The following CNTLN variants were observed in gnomAD, a reference collection of about 807,000 sequenced individuals.
CNTLN encodes the protein centlein, centrosomal protein.
In CNTLN, 212 loss-of-function variants were observed where a neutral mutation model predicts 180.0. The observed-to-expected ratio is 1.18, with a 90% CI of 1.05 to 1.32. The LOEUF is 1.32. Among genes scored for constraint, CNTLN ranks in the 40% most tolerant of loss-of-function variants. The pLI is 0.00. For synonymous variants in CNTLN, 722 were observed against 563.1 expected (o/e 1.28, Z -3.99); for missense variants, 2,095 against 1,610.9 (o/e 1.30, Z -5.14).
rs536716528 is a variant in CNTLN, at chr9:17,160,184, A to T, written c.449+16808A>T. Among the ~76,000 whole-genome samples, 50 of 152,298 alleles carry T rather than the reference A, an allele frequency of 3.3e-4. 1 individual carries two copies. Among genetic ancestry groups the T allele is most frequent in the African/African-American group, 1.2e-3 (49 of 41,582 alleles). On this transcript the variant is annotated intron_variant, in intron 2 of 25. Coordinates refer to ENST00000380647, the MANE Select transcript of CNTLN (RefSeq NM_017738.4). Reference sequence around the variant, plus strand: ...TAATTTTTTTATCTGAAATGTAAAAAATGATATCCTGAAGTAGTTTTCACT... The same window carrying T: ...TAATTTTTTTATCTGAAATGTAAAATATGATATCCTGAAGTAGTTTTCACT...
chr9:17,201,952 G>A (rs1822562028), intron 2 of CNTLN, among the ~76,000 whole-genome samples: 1 of 152,080 alleles, frequency 6.6e-6, no homozygotes, highest in South Asian at 2.1e-4. Flanking sequence ...GATCTTTCCA[G>A]CTTTCTGATG....
At chr9:17,281,469 C>A (rs1470819036) in intron 6 of CNTLN, among the ~76,000 whole-genome samples, 1 of 151,982 alleles carries the variant, frequency 6.6e-6, no homozygotes, top group Non-Finnish European at 1.5e-5. Context: ...ACTGACAGGC[C>A]CCAGTGTGTA....
At chr9:17,140,398 T>C (rs929072555) in intron 1 of CNTLN, among the ~76,000 whole-genome samples, 11 of 152,216 alleles carry the variant, frequency 7.2e-5, no homozygotes, top group Non-Finnish European at 1.5e-4. Flanking sequence ...AGATTTTAAG[T>C]GCTCTCATCA....
At position 17,502,694 on chromosome 9, in the gene CNTLN, A is replaced by G. The variant is rs377756384; in HGVS notation, c.*42A>G. 8.0e-6 allele frequency: 6 copies of G among 751,850 alleles called. No individual in the cohort carries two copies. The highest frequency in any genetic ancestry group is 1.0e-5 in the Non-Finnish European group (5 of 478,568). The allele number at this position is 751,850 out of a possible 1,614,324, so 46.6% of individuals were successfully genotyped here. ...TTTATTGCAAATGTGAAAACTTTTT[A>G]TGTGGTGTGATTGGAATACATGCAT... On this transcript the variant is annotated 3_prime_UTR_variant, in exon 26 of 26. Coordinates refer to ENST00000380647, the MANE Select transcript of CNTLN (RefSeq NM_017738.4).
chr9:17,370,179 A>T (rs1224023829), intron 13 of CNTLN, among the ~76,000 whole-genome samples: 1 of 152,194 alleles, frequency 6.6e-6, no homozygotes, highest in African/African-American at 2.4e-5. Flanking sequence ...AAACCTAGCA[A>T]AAGATAACAA....
Position 17,277,274 on chromosome 9 carries a change from G to A in CNTLN, c.983+3408G>A, listed in dbSNP as rs543960063. Among the ~76,000 whole-genome samples, 7 of 75,530 alleles carry A rather than the reference G, an allele frequency of 9.3e-5. 1 individual carries two copies. Among genetic ancestry groups the A allele is most frequent in the Admixed American group, 5.1e-4 (4 of 7,914 alleles). The allele number at this position is 75,530 out of a possible 152,430, so 49.6% of individuals were successfully genotyped here. ...GGGGATTGGTTTAGATGGGGTAGAT[G>A]GGGTAGAACCATTACCTAATGGTTC... On this transcript the variant is annotated intron_variant, in intron 6 of 25. Transcript: ENST00000380647.
chr9:17,522,041 CAATG>C, the CNTLN span, among the ~76,000 whole-genome samples: 21 of 152,116 alleles, frequency 1.4e-4, no homozygotes, highest in East Asian at 4.1e-3. Context: ...CTACTGTTTA[CAATG>C]AGATACCCCC....
At chr9:17,492,912 A>G (rs1484061274) in intron 25 of CNTLN, among the ~76,000 whole-genome samples, 1 of 152,226 alleles carries the variant, frequency 6.6e-6, no homozygotes, top group Non-Finnish European at 1.5e-5. Context: ...TTAAAAAGGC[A>G]TGAAGTACTG....
chr9:17,193,951 C>G (rs553489266), intron 2 of CNTLN, among the ~76,000 whole-genome samples: 1 of 152,344 alleles, frequency 6.6e-6, no homozygotes. Flanking sequence ...GGCTCAGCAC[C>G]ACATGGAAGC....
chr9:17,412,114 T>C lies in CNTLN; in HGVS notation c.2796+2641T>C, dbSNP rs557718031. Among the ~76,000 whole-genome samples, 8 of 151,648 alleles carry C rather than the reference T, an allele frequency of 5.3e-5. No homozygotes were observed. The South Asian group carries it at 1.5e-3, about 28-fold the overall frequency. Reference sequence around the variant, plus strand: ...CCATGATGGTATCAGCAGATGCCTATTGGGTAGCCTGAAGTTCTGCCCTCC... The same window carrying C: ...CCATGATGGTATCAGCAGATGCCTACTGGGTAGCCTGAAGTTCTGCCCTCC... On this transcript the variant is annotated intron_variant, in intron 16 of 25. Coordinates refer to ENST00000380647, the MANE Select transcript of CNTLN (RefSeq NM_017738.4).
At chr9:17,312,355 ATATATATAT>A (rs1355255258) in intron 8 of CNTLN, among the ~76,000 whole-genome samples, 24 of 15,544 alleles carry the variant, frequency 1.5e-3, no homozygotes, top group African/African-American at 3.4e-3. Flanking sequence ...ATATATATAT[ATATATATAT>A]TATATATATA....
chr9:17,140,005 T>G (rs1466143100), intron 1 of CNTLN, among the ~76,000 whole-genome samples: 1 of 152,214 alleles, frequency 6.6e-6, no homozygotes, highest in Admixed American at 6.5e-5. Context: ...AAGGTTTTTA[T>G]TTTTGTTATT....
intron 8 of CNTLN, among the ~76,000 whole-genome samples, chr9:17,330,104 A>G (rs1204095432): frequency 6.6e-6 from 1 of 152,068 alleles, no homozygotes; most frequent in Non-Finnish European, 1.5e-5. Flanking sequence ...TGAAACATGA[A>G]TAAATTTCAA....
At chr9:17,154,974 C>G (rs756710864) in intron 2 of CNTLN, among the ~76,000 whole-genome samples, 1 of 152,140 alleles carries the variant, frequency 6.6e-6, no homozygotes, top group African/African-American at 2.4e-5. Context: ...ACACTCACTG[C>G]GAAGGTCTAC....
chr9:17,281,447 A>G (rs1326161648), intron 6 of CNTLN, among the ~76,000 whole-genome samples: 1 of 151,852 alleles, frequency 6.6e-6, no homozygotes, highest in Non-Finnish European at 1.5e-5. Flanking sequence ...CTCCCCGCAC[A>G]CCACCCTCCC....
At chr9:17,272,587 C>T (rs908299121) in intron 5 of CNTLN, among the ~76,000 whole-genome samples, 1 of 152,166 alleles carries the variant, frequency 6.6e-6, no homozygotes, top group African/African-American at 2.4e-5. Flanking sequence ...TTGTCCCTCC[C>T]TGATATTTGG....
rs1007541519 is a variant in CNTLN at position 17,333,000 on chromosome 9, C to T, written c.1644+270C>T. On this transcript the variant is annotated intron_variant, in intron 10 of 25. Coordinates refer to ENST00000380647, the MANE Select transcript of CNTLN (RefSeq NM_017738.4). ...TTAAAATTGGGAATAAATTTCTTAA[C>T]CCTTTCCCAAAGGCAAAAAATAGAA... is the stretch of plus-strand genomic sequence containing the variant. Among the ~76,000 whole-genome samples, 33 of 151,868 alleles carry T rather than the reference C, an allele frequency of 2.2e-4. 1 individual carries two copies. The highest frequency in any genetic ancestry group is 2.2e-3 in the Admixed American group (33 of 15,228).
chr9:17,501,091 T>C (rs1393242412), intron 25 of CNTLN, among the ~76,000 whole-genome samples: 1 of 152,244 alleles, frequency 6.6e-6, no homozygotes, highest in East Asian at 1.9e-4. Flanking sequence ...GTGTGTTTGA[T>C]GTGGTAGGTT....
intron 18 of CNTLN, among the ~76,000 whole-genome samples, chr9:17,442,089 G>C (rs925706937): frequency 1.3e-5 from 2 of 152,162 alleles, no homozygotes; most frequent in African/African-American, 4.8e-5. Context: ...AATAGGAGAC[G>C]TAAGTACTCC....
Sources: gnomAD v4.1 joint callset for allele counts (sites outside exome capture counted in the v4.1 genomes callset) on GRCh38, gnomAD v4.1.1 for gene constraint, MANE v1.5 for transcripts, NCBI Gene and HGNC (gene_info 2026-07-23, HGNC 2026-07-21) for gene names.